MRPL13: variants seen among roughly 807,000 people sequenced by gnomAD.
MRPL13 encodes mitochondrial ribosomal protein L13.
Under a neutral mutation model 29.0 loss-of-function variants are expected in MRPL13, and 33 were observed. The ratio of observed to expected loss-of-function variants is 1.14; its 90% CI spans 0.86 to 1.52. The LOEUF is 1.52. Among genes scored for constraint, MRPL13 ranks in the 40% most tolerant of loss-of-function variants. MRPL13 has a pLI of 0.00. For missense variants in MRPL13, 227 were observed against 216.7 expected, an observed-to-expected ratio of 1.05 and a Z score of -0.30; for synonymous variants, 77 against 68.4, an observed-to-expected ratio of 1.13 and a Z score of -0.62.
chr8:120,423,682 T>C (rs754724256), intron 4 of MRPL13, among the ~76,000 whole-genome samples: 11 of 151,950 alleles, frequency 7.2e-5, no homozygotes, highest in Admixed American at 5.3e-4. Context: ...AAGAAAACAG[T>C]TGTAGACAAA....
chr8:120,419,130 C>A (rs1812840027), intron 5 of MRPL13, among the ~76,000 whole-genome samples: 1 of 151,880 alleles, frequency 6.6e-6, no homozygotes, highest in South Asian at 2.1e-4. Flanking sequence ...TTAATCCTTA[C>A]AACAATCTTG....
chr8:120,403,048 T>A (rs1812618707), intron 6 of MRPL13, among the ~76,000 whole-genome samples: 1 of 152,204 alleles, frequency 6.6e-6, no homozygotes, highest in South Asian at 2.1e-4. Context: ...ACACTGTTGG[T>A]GGGAGGGTAA....
intron 2 of MRPL13, among the ~76,000 whole-genome samples, chr8:120,433,851 T>A (rs577641999): frequency 4.6e-5 from 7 of 152,242 alleles, no homozygotes; most frequent in African/African-American, 1.4e-4. Flanking sequence ...ATACATATAG[T>A]TTCATTTTAT....
rs575639176 is a variant in MRPL13, at chr8:120,427,914, A to C, written c.246-2548T>G. Among the ~76,000 whole-genome samples the C allele has an allele frequency of 1.4e-3, 208 of 152,284 alleles. 2 individuals carry two copies. Among genetic ancestry groups the C allele is most frequent in the African/African-American group, 4.7e-3 (195 of 41,576 alleles). Reference sequence around the variant, plus strand: ...ATTGTTAAAATGGCCATACTGCCCAAAGCAATTTATAGATTCAATGCTATT... The same window carrying C: ...ATTGTTAAAATGGCCATACTGCCCACAGCAATTTATAGATTCAATGCTATT... On this transcript the variant is annotated intron_variant, in intron 3 of 6. Coordinates refer to ENST00000306185, the MANE Select transcript of MRPL13 (RefSeq NM_014078.6).
intron 6 of MRPL13, among the ~76,000 whole-genome samples, chr8:120,404,853 G>C (rs1812646532): frequency 6.6e-6 from 1 of 152,164 alleles, no homozygotes. Context: ...GTGCTTGCAA[G>C]CACCATTTTA....
At chr8:120,424,834 T>A (rs944782916) in intron 4 of MRPL13, among the ~76,000 whole-genome samples, 2 of 152,058 alleles carry the variant, frequency 1.3e-5, no homozygotes, top group African/African-American at 4.8e-5. Flanking sequence ...TTTACTATTT[T>A]TTCCAGAATA....
At position 120,397,162 on chromosome 8, in the gene MRPL13, A is replaced by C. The variant is rs531320065; in HGVS notation, c.516-1037T>G. ...TCTCACGGATCTTTGCAGCCTGTGG[A>C]TCAGGAGATACCCTCGTGAGCCCAC... On this transcript the variant is annotated intron_variant, in intron 6 of 6. Transcript: ENST00000306185. Among the ~76,000 whole-genome samples, 22 of 152,220 alleles carry C rather than the reference A, an allele frequency of 1.4e-4. No individual in the cohort carries two copies. In the South Asian group the frequency reaches 4.4e-3, roughly 30 times the overall value.
intron 6 of MRPL13, among the ~76,000 whole-genome samples, chr8:120,405,281 CT>C (rs1812653578): frequency 6.6e-6 from 1 of 152,224 alleles, no homozygotes; most frequent in Non-Finnish European, 1.5e-5. Context: ...ATACACACAA[CT>C]TTTCTGTATT....
intron 3 of MRPL13, among the ~76,000 whole-genome samples, chr8:120,427,307 C>T (rs1317436511): frequency 6.6e-6 from 1 of 152,102 alleles, no homozygotes; most frequent in Non-Finnish European, 1.5e-5. Flanking sequence ...GGATAACAAA[C>T]ATTTGTATGC....
intron 2 of MRPL13, among the ~76,000 whole-genome samples, chr8:120,433,979 A>C (rs1813024807): frequency 6.6e-6 from 1 of 152,102 alleles, no homozygotes; most frequent in African/African-American, 2.4e-5. Flanking sequence ...ATAGTAAGCA[A>C]TTTTTAGAAA....
chr8:120,441,067 G>C (rs982105887), intron 2 of MRPL13, among the ~76,000 whole-genome samples: 2 of 151,966 alleles, frequency 1.3e-5, no homozygotes, highest in African/African-American at 4.8e-5. Flanking sequence ...GTTGAACAAA[G>C]AGGAGTCACA....
At chr8:120,424,878 C>T (rs1812914890) in intron 4 of MRPL13, among the ~76,000 whole-genome samples, 1 of 151,998 alleles carries the variant, frequency 6.6e-6, no homozygotes, top group Admixed American at 6.6e-5. Context: ...AATTAATCTA[C>T]AATTGAGATG....
chr8:120,417,746 T>C (rs1008934409), intron 5 of MRPL13, among the ~76,000 whole-genome samples: 3 of 152,092 alleles, frequency 2.0e-5, no homozygotes, highest in Non-Finnish European at 2.9e-5. Context: ...ATTTCACTAT[T>C]ATAAATCATG....
At position 120,414,011 on chromosome 8, in the gene MRPL13, G is replaced by A; in HGVS notation, c.495C>T (p.Ala165=). ...LDEYTQEEID[A]FPRLWTPPED... is the part of the protein sequence containing the mutation. ...CTTACGGAGTCCACAATCTTGGGAA[G>A]GCGTCTATTTCTTCTTGTGTGTACT... The change falls in exon 6 of 7, where the codon GCC becomes GCT. Residue 165 remains alanine (A), a synonymous_variant. Transcript: ENST00000306185. The A allele has an allele frequency of 6.4e-7, 1 of 1,560,758 alleles. No individual in the cohort carries two copies. The highest frequency in any genetic ancestry group is 8.6e-7 in the Non-Finnish European group (1 of 1,159,586).
chr8:120,410,970 G>T (rs1812733905), intron 6 of MRPL13, among the ~76,000 whole-genome samples: 1 of 151,922 alleles, frequency 6.6e-6, no homozygotes, highest in South Asian at 2.1e-4. Flanking sequence ...TAGAGATGGG[G>T]TTTCACCATG....
At chr8:120,414,212 G>A (rs1812775801) in intron 5 of MRPL13, 100 bp from the exon 6 acceptor site, 5 of 912,806 alleles carry the variant, frequency 5.5e-6, no homozygotes, top group Non-Finnish European at 7.3e-6. Flanking sequence ...GCAAAAGAAT[G>A]CTCGTAGAAT....
chr8:120,415,236 C>T (rs1812790249), intron 5 of MRPL13: 1 of 152,074 alleles, frequency 6.6e-6, no homozygotes, highest in African/African-American at 2.4e-5. Context: ...GGTAAGATAT[C>T]AGTATGGAAG....
chr8:120,398,892 T>C (rs1268115483), intron 6 of MRPL13, among the ~76,000 whole-genome samples: 1 of 151,898 alleles, frequency 6.6e-6, no homozygotes, highest in Non-Finnish European at 1.5e-5. Flanking sequence ...ACCAAGTATC[T>C]TTCTCAAATA....
intron 2 of MRPL13, among the ~76,000 whole-genome samples, chr8:120,434,471 T>C (rs1813030805): frequency 6.6e-6 from 1 of 152,092 alleles, no homozygotes; most frequent in South Asian, 2.1e-4. Context: ...ATTATATGGC[T>C]AATAAGTGGT....
Sources: allele counts gnomAD v4.1 joint callset (sites outside exome capture counted in the v4.1 genomes callset), GRCh38; gene constraint gnomAD v4.1.1; transcripts MANE v1.5; gene names NCBI Gene and HGNC (gene_info 2026-07-23, HGNC 2026-07-21).